The following NELL1 variants were observed in gnomAD, a reference collection of about 807,000 sequenced individuals.
NELL1 encodes the protein neural EGFL like 1.
A neutral mutation model predicts 107.4 loss-of-function variants in NELL1; 76 were observed. The observed-to-expected ratio is 0.71, with a 90% CI of 0.59 to 0.86. The LOEUF (loss-of-function observed/expected upper bound fraction) is 0.86. NELL1 is among the 40% of genes least tolerant of loss of function. The pLI is 0.00. For missense variants in NELL1, 1,024 were observed against 1,005.5 expected (o/e 1.02, Z -0.25); for synonymous variants, 353 against 341.2 (o/e 1.03, Z -0.38).
At chr11:20,756,023 G>T (rs1455874688) in intron 2 of NELL1, among the ~76,000 whole-genome samples, 1 of 151,680 alleles carries the variant, frequency 6.6e-6, no homozygotes, top group Non-Finnish European at 1.5e-5. Flanking sequence ...CTCCCGAGTA[G>T]CTGGGACTAC....
At chr11:21,220,145 C>T (rs897253760) in intron 13 of NELL1, among the ~76,000 whole-genome samples, 1 of 152,124 alleles carries the variant, frequency 6.6e-6, no homozygotes, top group Admixed American at 6.6e-5. Flanking sequence ...TGGGCAGGGA[C>T]ACAAATCCAA....
At chr11:20,996,514 C>T (rs960764595) in intron 12 of NELL1, among the ~76,000 whole-genome samples, 4 of 152,126 alleles carry the variant, frequency 2.6e-5, no homozygotes, top group South Asian at 2.1e-4. Context: ...CCTGCCTGGG[C>T]GGTCCACCTT....
intron 12 of NELL1, among the ~76,000 whole-genome samples, chr11:21,104,871 A>G (rs569488588): frequency 3.9e-5 from 6 of 152,274 alleles, no homozygotes; most frequent in South Asian, 2.1e-4. Context: ...TCAGGGTCTC[A>G]TGAATGCTCT....
intron 15 of NELL1, among the ~76,000 whole-genome samples, chr11:21,406,349 C>G (rs1460605952): frequency 6.6e-6 from 1 of 151,864 alleles, no homozygotes. Context: ...GTATTTTATT[C>G]TTTACAACCA....
chr11:20,680,025 G>A (rs1000376279), intron 2 of NELL1, among the ~76,000 whole-genome samples: 1 of 152,042 alleles, frequency 6.6e-6, no homozygotes, highest in Admixed American at 6.6e-5. Context: ...CAACTGGGAG[G>A]GATTTTCAGC....
intron 14 of NELL1, among the ~76,000 whole-genome samples, chr11:21,241,102 A>T (rs1299675392): frequency 6.6e-6 from 1 of 152,088 alleles, no homozygotes; most frequent in East Asian, 1.9e-4. Flanking sequence ...ACAGGCTACC[A>T]AACATTGACT....
chr11:21,286,555 A>G (rs571755833), intron 14 of NELL1, among the ~76,000 whole-genome samples: 1 of 152,322 alleles, frequency 6.6e-6, no homozygotes, highest in African/African-American at 2.4e-5. Flanking sequence ...TATGATGACA[A>G]GGATTTATTT....
intron 15 of NELL1, among the ~76,000 whole-genome samples, chr11:21,386,681 G>A (rs192138770): frequency 8.6e-5 from 13 of 151,998 alleles, no homozygotes; most frequent in Admixed American, 7.2e-4. Context: ...AACACTGAAG[G>A]GCAAGGCTGA....
intron 14 of NELL1, among the ~76,000 whole-genome samples, chr11:21,345,984 A>G (rs11026038): frequency 0.34 from 51,877 of 152,024 alleles, 9,112 homozygotes; most frequent in Non-Finnish European, 0.4. Context: ...GAAGTTCCCA[A>G]ATACATGATA....
intron 13 of NELL1, among the ~76,000 whole-genome samples, chr11:21,122,468 T>C (rs1855391508): frequency 6.6e-6 from 1 of 152,204 alleles, no homozygotes; most frequent in African/African-American, 2.4e-5. Context: ...TGCATATCTA[T>C]CTATCTATCT....
At chr11:20,956,316 A>T (rs1272087130) in intron 11 of NELL1, among the ~76,000 whole-genome samples, 2 of 152,122 alleles carry the variant, frequency 1.3e-5, no homozygotes, top group Non-Finnish European at 2.9e-5. Flanking sequence ...ATAACAACTC[A>T]TCTGTGCCTA....
intron 15 of NELL1, among the ~76,000 whole-genome samples, chr11:21,459,357 CA>C (rs59022976): frequency 2.0e-4 from 25 of 124,566 alleles, no homozygotes; most frequent in Non-Finnish European, 2.0e-4. Context: ...TGTTCACTAG[CA>C]AAAAAAAAAA....
Position 21,075,941 on chromosome 11 carries a change from A to G in NELL1, c.1301-37648A>G, listed in dbSNP as rs867621769. 5.3e-5 allele frequency among the ~76,000 whole-genome samples: 8 copies of G among 152,224 alleles called. No homozygotes were observed. The South Asian group carries it at 8.3e-4, about 16-fold the overall frequency. ...ACAGTAGGAATAATTGTTGGAATCT[A>G]TTAGAACCTCTAACTATGAATCTCT... On this transcript the variant is annotated intron_variant, in intron 12 of 19. Transcript: ENST00000357134.
At chr11:20,778,681 T>A (rs564730147) in intron 2 of NELL1, among the ~76,000 whole-genome samples, 258 of 152,166 alleles carry the variant, frequency 1.7e-3, no homozygotes, top group Non-Finnish European at 2.0e-3. Context: ...AACGCCATTT[T>A]CCCCCGTTTT....
chr11:20,970,219 G>A (rs991468004), intron 12 of NELL1, among the ~76,000 whole-genome samples: 1 of 152,104 alleles, frequency 6.6e-6, no homozygotes, highest in African/African-American at 2.4e-5. Context: ...CATCATTTAT[G>A]TAGTTGTCTA....
intron 14 of NELL1, among the ~76,000 whole-genome samples, chr11:21,329,155 G>C (rs1248678838): frequency 6.6e-6 from 1 of 152,160 alleles, no homozygotes; most frequent in Non-Finnish European, 1.5e-5. Context: ...ATCTCATCTT[G>C]TAGTTTCCAT....
chr11:20,988,507 A>G (rs11025865), intron 12 of NELL1, among the ~76,000 whole-genome samples: 19,557 of 147,776 alleles, frequency 0.13, 1,858 homozygotes, highest in East Asian at 0.25. Context: ...ATATGTGTGT[A>G]TATATACATA....
intron 13 of NELL1, among the ~76,000 whole-genome samples, chr11:21,199,207 A>G (rs1857214186): frequency 6.6e-6 from 1 of 152,080 alleles, no homozygotes; most frequent in South Asian, 2.1e-4. Flanking sequence ...GAAGGAATCA[A>G]TCATGGACAT....
Position 21,522,833 on chromosome 11 carries a change from T to TC in NELL1, c.1646-11540dup, listed in dbSNP as rs1491102522. 1.8e-4 allele frequency among the ~76,000 whole-genome samples: 24 copies of TC among 132,710 alleles called. 1 individual carries two copies. The highest frequency in any genetic ancestry group is 3.3e-5 in the Non-Finnish European group (2 of 61,376). 87.1% of individuals were successfully genotyped at this position (132,710 alleles called of 152,430 possible). A position where few individuals can be genotyped will look rare whatever the true frequency, so the allele number is the denominator to read the frequency against. On this transcript the variant is annotated intron_variant, in intron 15 of 19. Coordinates refer to ENST00000357134, the MANE Select transcript of NELL1 (RefSeq NM_006157.5). ...TATCTTGAATCCTATTTTTTTCTTTTCTTTTTTTTTTTTTTTTTTTTTTTT... is the reference window on the plus strand; with the variant it reads ...TATCTTGAATCCTATTTTTTTCTTTTCCTTTTTTTTTTTTTTTTTTTTTTTT...
Sources: gnomAD v4.1 joint callset for allele counts (sites outside exome capture counted in the v4.1 genomes callset) on GRCh38, gnomAD v4.1.1 for gene constraint, MANE v1.5 for transcripts, NCBI Gene and HGNC (gene_info 2026-07-23, HGNC 2026-07-21) for gene names.